Variants in SOCS2 observed in about 807,000 individuals in gnomAD.
SOCS2 encodes CIS-2.
SOCS2 carries 10 observed loss-of-function variants against 18.6 expected under a neutral mutation model. That is an observed-to-expected ratio of 0.54 (90% CI 0.33 to 0.91). SOCS2 has a LOEUF of 0.91. SOCS2 is among the 40% of genes least tolerant of loss of function. SOCS2 has a pLI of 0.02. For missense variants in SOCS2, 231 were observed against 247.2 expected (o/e 0.93, Z 0.44); for synonymous variants, 104 against 104.0 (o/e 1.00, Z 0.00).
chr12:93,614,377 CT>C, the SOCS2 span, among the ~76,000 whole-genome samples: 1 of 125,560 alleles, frequency 8.0e-6, no homozygotes, highest in Non-Finnish European at 1.7e-5. Flanking sequence ...TTCTTTCTTT[CT>C]TTCTTTCTTT....
At chr12:93,613,873 C>T in the SOCS2 span, among the ~76,000 whole-genome samples, 4 of 152,064 alleles carry the variant, frequency 2.6e-5, no homozygotes, top group Non-Finnish European at 5.9e-5. Context: ...ACTACTATAG[C>T]GTGTCAATAG....
chr12:93,597,139 C>T, the SOCS2 span, among the ~76,000 whole-genome samples: 274 of 152,246 alleles, frequency 1.8e-3, no homozygotes, highest in East Asian at 0.011. Flanking sequence ...GAAAACTGAT[C>T]TTGGTATAAA....
chr12:93,583,547 T>C (rs552397611), downstream of SOCS2: 1 of 152,228 alleles, frequency 6.6e-6, no homozygotes, highest in South Asian at 2.1e-4. Context: ...TCTCTTAAAG[T>C]GGGGCACATC....
chr12:93,602,596 G>A, the SOCS2 span, among the ~76,000 whole-genome samples: 1 of 152,134 alleles, frequency 6.6e-6, no homozygotes, highest in Admixed American at 6.6e-5. Flanking sequence ...GAGACTTTGG[G>A]AGATATTATT....
chr12:93,607,975 G>A, the SOCS2 span, among the ~76,000 whole-genome samples: 1 of 147,408 alleles, frequency 6.8e-6, no homozygotes, highest in Non-Finnish European at 1.5e-5. Flanking sequence ...TTTGTTTTTA[G>A]TAGTTATGGA....
chr12:93,614,461 T>TC, the SOCS2 span, among the ~76,000 whole-genome samples: 1 of 91,754 alleles, frequency 1.1e-5, no homozygotes, highest in East Asian at 3.7e-4. Flanking sequence ...CTTCCTTCCT[T>TC]CCTTCCTTCC....
At chr12:93,592,673 A>C in the SOCS2 span, among the ~76,000 whole-genome samples, 1 of 152,204 alleles carries the variant, frequency 6.6e-6, no homozygotes, top group Non-Finnish European at 1.5e-5. Context: ...AATACTGTTC[A>C]TTTTTAAACA....
At chr12:93,582,026 G>A (rs558164842) in intron 1 of SOCS2, among the ~76,000 whole-genome samples, 1 of 152,348 alleles carries the variant, frequency 6.6e-6, no homozygotes, top group East Asian at 1.9e-4. Context: ...ATATTGTATA[G>A]GAGCTGTAAT....
downstream of SOCS2, among the ~76,000 whole-genome samples, chr12:93,585,185 A>G (rs200384343): frequency 1.1e-4 from 16 of 152,076 alleles, no homozygotes; most frequent in East Asian, 3.1e-3. Flanking sequence ...GTCCATCATA[A>G]TAGCCATTTT....
At chr12:93,594,664 T>C in the SOCS2 span, among the ~76,000 whole-genome samples, 1 of 152,176 alleles carries the variant, frequency 6.6e-6, no homozygotes, top group African/African-American at 2.4e-5. Flanking sequence ...ATTTATTTAT[T>C]GTAGAGAACT....
chr12:93,571,625 C>T, upstream of SOCS2: 1 of 225,760 alleles, frequency 4.4e-6, no homozygotes, highest in Non-Finnish European at 9.1e-6. Context: ...GGTGTCCCAG[C>T]CCGTAGGGGG....
downstream of SOCS2, among the ~76,000 whole-genome samples, chr12:93,583,673 T>C (rs1954566012): frequency 6.6e-6 from 1 of 152,172 alleles, no homozygotes; most frequent in African/African-American, 2.4e-5. Context: ...TGAAGCTGCG[T>C]TGGGCAGGCC....
chr12:93,624,298 C>T, the SOCS2 span, among the ~76,000 whole-genome samples: 2 of 152,270 alleles, frequency 1.3e-5, no homozygotes, highest in African/African-American at 4.8e-5. Context: ...TCTGGCCAAG[C>T]GCAGTGGCTC....
the SOCS2 span, among the ~76,000 whole-genome samples, chr12:93,621,587 C>A: frequency 2.0e-5 from 3 of 152,158 alleles, no homozygotes; most frequent in African/African-American, 7.2e-5. Context: ...AGAGATCCTC[C>A]TGCCTTAGTC....
At chr12:93,614,598 TC>T in the SOCS2 span, among the ~76,000 whole-genome samples, 2 of 119,594 alleles carry the variant, frequency 1.7e-5, no homozygotes, top group Non-Finnish European at 3.3e-5. Flanking sequence ...TTTCTTTCTT[TC>T]TTTCTTTCTT....
chr12:93,621,629 A>G, the SOCS2 span, among the ~76,000 whole-genome samples: 5 of 152,048 alleles, frequency 3.3e-5, no homozygotes, highest in African/African-American at 1.2e-4. Context: ...AGCACACACC[A>G]TCATGCCCAG....
chr12:93,619,991 A>G, the SOCS2 span, among the ~76,000 whole-genome samples: 29 of 152,322 alleles, frequency 1.9e-4, no homozygotes, highest in Admixed American at 1.9e-3. Context: ...TAATTATTTG[A>G]GAGCTTCTCA....
the SOCS2 span, among the ~76,000 whole-genome samples, chr12:93,604,284 T>C: frequency 6.6e-6 from 1 of 152,184 alleles, no homozygotes; most frequent in African/African-American, 2.4e-5. Context: ...ACGACATTCT[T>C]ACATGAATAA....
chr12:93,571,854 A>G (rs1431518558), upstream of SOCS2: 2 of 184,134 alleles, frequency 1.1e-5, no homozygotes, highest in Non-Finnish European at 2.1e-5. Context: ...CCCCCGCCCC[A>G]TGTCCGCTGA....
Sources: gnomAD v4.1 joint callset for allele counts (sites outside exome capture counted in the v4.1 genomes callset) on GRCh38, gnomAD v4.1.1 for gene constraint, MANE v1.5 for transcripts, NCBI Gene and HGNC (gene_info 2026-07-23, HGNC 2026-07-21) for gene names.